The following SV2C variants were observed in gnomAD, a reference collection of about 807,000 sequenced individuals.
The protein encoded by SV2C is solute carrier family 22 member B3.
Under a neutral mutation model 79.7 loss-of-function variants are expected in SV2C, and 49 were observed. The observed-to-expected ratio is 0.61, with a 90% CI of 0.49 to 0.78. The LOEUF is 0.78. Among genes scored for constraint, SV2C ranks in the 30% least tolerant of loss-of-function variants. The probability of loss-of-function intolerance (pLI) is 0.00; values close to 1 mark genes in which losing one functional copy is unlikely to be tolerated. For missense variants in SV2C, 833 were observed against 912.9 expected, an observed-to-expected ratio of 0.91 and a Z score of 1.13; for synonymous variants, 334 against 333.2, an observed-to-expected ratio of 1.00 and a Z score of -0.03.
the SV2C span, among the ~76,000 whole-genome samples, chr5:76,055,727 G>A: frequency 6.6e-6 from 1 of 152,108 alleles, no homozygotes; most frequent in African/African-American, 2.4e-5. Context: ...CTTGTAAGCT[G>A]TATTCCTAGG....
chr5:76,104,542 G>A (rs1419557075), intron 1 of SV2C, among the ~76,000 whole-genome samples: 2 of 152,178 alleles, frequency 1.3e-5, no homozygotes, highest in Non-Finnish European at 1.5e-5. Flanking sequence ...GTGCCACTGT[G>A]CCTGGCTGCA....
At chr5:76,092,224 T>C (rs1747400788) in intron 1 of SV2C, among the ~76,000 whole-genome samples, 1 of 152,192 alleles carries the variant, frequency 6.6e-6, no homozygotes, top group South Asian at 2.1e-4. Flanking sequence ...TTCTGAATTG[T>C]TTGAGTTTTC....
chr5:75,912,235 T>C, the SV2C span, among the ~76,000 whole-genome samples: 1 of 152,186 alleles, frequency 6.6e-6, no homozygotes, highest in Admixed American at 6.5e-5. Context: ...TCAGAGATAG[T>C]GAACAAATCT....
At chr5:76,218,958 A>G (rs1744985158) in intron 4 of SV2C, among the ~76,000 whole-genome samples, 1 of 61,098 alleles carries the variant, frequency 1.6e-5, no homozygotes, top group African/African-American at 6.3e-5. Context: ...ATGTTTTCTC[A>G]ATGGTTCACC....
chr5:76,257,998 T>C lies in SV2C; in HGVS notation c.914-27164T>C, dbSNP rs371676179. The stretch of plus-strand genomic sequence containing the variant: ...GTGTGTGATAAATGGGTGTATGTAG[T>C]ATGGGGTGTGTGTGTAGTGTGTGGG... On this transcript the variant is annotated intron_variant, in intron 4 of 12. Transcript: ENST00000502798. 4.6e-4 allele frequency among the ~76,000 whole-genome samples: 68 copies of C among 147,972 alleles called. 1 individual carries two copies. The highest frequency in any genetic ancestry group is 1.5e-3 in the African/African-American group (58 of 39,942).
intron 12 of SV2C, chr5:76,353,064 C>T (rs1046849921): frequency 4.9e-5 from 22 of 451,350 alleles, no homozygotes; most frequent in Non-Finnish European, 9.8e-5. Flanking sequence ...CCTCTGCCAC[C>T]CCAGAAGCTA....
intron 12 of SV2C, among the ~76,000 whole-genome samples, chr5:76,312,515 C>A (rs1055535565): frequency 6.6e-6 from 1 of 152,084 alleles, no homozygotes; most frequent in Non-Finnish European, 1.5e-5. Flanking sequence ...GGCCTCCCAA[C>A]GTGCTGGGAT....
At chr5:76,022,498 TC>T in the SV2C span, among the ~76,000 whole-genome samples, 476 of 152,286 alleles carry the variant, frequency 3.1e-3, 5 homozygotes, top group African/African-American at 0.011. Context: ...AATATAATCC[TC>T]CCCTGGGAAA....
chr5:76,290,272 C>G (rs1747513973), intron 6 of SV2C, among the ~76,000 whole-genome samples: 1 of 152,144 alleles, frequency 6.6e-6, no homozygotes, highest in South Asian at 2.1e-4. Context: ...TTGAAAGGTG[C>G]TGAGGGTCCC....
chr5:76,011,755 G>A, the SV2C span, among the ~76,000 whole-genome samples: 1 of 151,784 alleles, frequency 6.6e-6, no homozygotes, highest in Non-Finnish European at 1.5e-5. Flanking sequence ...TGCTATCCCT[G>A]TCCTAGCACC....
At chr5:76,060,758 A>C in the SV2C span, among the ~76,000 whole-genome samples, 1 of 152,114 alleles carries the variant, frequency 6.6e-6, no homozygotes, top group Admixed American at 6.6e-5. Context: ...TTTCCTTTGC[A>C]TTCACAGCTT....
At position 76,135,313 on chromosome 5, in the gene SV2C, C is replaced by T. The variant is rs550594017; in HGVS notation, c.580+2983C>T. ...CAAAGAGGAGTGCCAATGGGCTATTCCCCATTTGAGCTGAAATGCCCAGAG... is the reference window on the plus strand; with the variant it reads ...CAAAGAGGAGTGCCAATGGGCTATTTCCCATTTGAGCTGAAATGCCCAGAG... On this transcript the variant is annotated intron_variant, in intron 2 of 12. Transcript: ENST00000502798. 2.8e-4 allele frequency among the ~76,000 whole-genome samples: 43 copies of T among 152,312 alleles called. 1 individual carries two copies. In the South Asian group the frequency reaches 8.9e-3, roughly 32 times the overall value.
intron 1 of SV2C, among the ~76,000 whole-genome samples, chr5:76,102,259 C>T (rs1747767956): frequency 6.6e-6 from 1 of 152,148 alleles, no homozygotes; most frequent in Non-Finnish European, 1.5e-5. Context: ...GCATCATGCT[C>T]TCCTCTGCCT....
At chr5:76,343,555 C>T (rs1296320811) in intron 12 of SV2C, among the ~76,000 whole-genome samples, 1 of 152,106 alleles carries the variant, frequency 6.6e-6, no homozygotes, top group East Asian at 1.9e-4. Context: ...ATTTAAAAGA[C>T]TGATAATACC....
chr5:75,882,716 G>A, the SV2C span, among the ~76,000 whole-genome samples: 1 of 151,860 alleles, frequency 6.6e-6, no homozygotes, highest in African/African-American at 2.4e-5. Context: ...GCTGAAACTG[G>A]ATCCCTTCCT....
chr5:76,069,384 A>G, the SV2C span, among the ~76,000 whole-genome samples: 111 of 152,236 alleles, frequency 7.3e-4, no homozygotes, highest in African/African-American at 2.6e-3. Context: ...GCCTTTGGGT[A>G]TCTCTCCATG....
chr5:76,164,721 A>T (rs1364130369), intron 2 of SV2C, among the ~76,000 whole-genome samples: 2 of 141,794 alleles, frequency 1.4e-5, no homozygotes, highest in African/African-American at 2.7e-5. Context: ...GATGGAACTC[A>T]GTGTGTGTGT....
intron 12 of SV2C, among the ~76,000 whole-genome samples, chr5:76,306,679 G>T (rs1748204636): frequency 6.6e-6 from 1 of 152,082 alleles, no homozygotes; most frequent in African/African-American, 2.4e-5. Flanking sequence ...AATACCATAG[G>T]CACATATAAA....
chr5:76,029,356 T>C, the SV2C span, among the ~76,000 whole-genome samples: 15 of 152,216 alleles, frequency 9.9e-5, no homozygotes, highest in Non-Finnish European at 1.9e-4. Context: ...AATGTTGTGT[T>C]CTTTGACCAT....
Sources: allele counts gnomAD v4.1 joint callset (sites outside exome capture counted in the v4.1 genomes callset), GRCh38; gene constraint gnomAD v4.1.1; transcripts MANE v1.5; gene names NCBI Gene and HGNC (gene_info 2026-07-23, HGNC 2026-07-21).